Variants in TBC1D1 observed in about 807,000 individuals in gnomAD.
The protein encoded by TBC1D1 is TBC1 domain family member 1.
A neutral mutation model predicts 125.6 loss-of-function variants in TBC1D1; 89 were observed. That is an observed-to-expected ratio of 0.71 (90% confidence interval 0.60 to 0.85). The LOEUF is 0.85. Among genes scored for constraint, TBC1D1 ranks in the 40% least tolerant of loss-of-function variants. The pLI is 0.00. For synonymous variants in TBC1D1, 565 were observed against 564.1 expected (o/e 1.00, Z -0.02); for missense variants, 1,377 against 1,469.2 (o/e 0.94, Z 1.03).
At chr4:37,916,927 C>T (rs936080340) in intron 2 of TBC1D1, among the ~76,000 whole-genome samples, 2 of 151,902 alleles carry the variant, frequency 1.3e-5, no homozygotes, top group South Asian at 2.1e-4. Context: ...CATGCTACCA[C>T]GCCCAGCTAA....
intron 2 of TBC1D1, chr4:37,996,187 C>T (rs1276697943): frequency 8.6e-6 from 3 of 347,650 alleles, no homozygotes; most frequent in South Asian, 4.5e-5. Context: ...GCTCAGGCAC[C>T]CACCACAAGG....
chr4:38,074,847 T>C (rs931291322), intron 12 of TBC1D1, among the ~76,000 whole-genome samples: 3 of 151,874 alleles, frequency 2.0e-5, no homozygotes, highest in Admixed American at 6.6e-5. Context: ...CTGCAACCTC[T>C]GCCTCCGGGT....
chr4:38,041,923 C>T (rs1340488395), intron 8 of TBC1D1, among the ~76,000 whole-genome samples: 17 of 152,172 alleles, frequency 1.1e-4, no homozygotes, highest in African/African-American at 3.9e-4. Context: ...CCTGTAATCC[C>T]AGCACTTTGG....
chr4:38,051,602 C>T (rs1489049186), intron 11 of TBC1D1, among the ~76,000 whole-genome samples: 1 of 151,906 alleles, frequency 6.6e-6, no homozygotes, highest in Non-Finnish European at 1.5e-5. Context: ...CGTGCTACCG[C>T]ACTCCAGCCT....
intron 2 of TBC1D1, among the ~76,000 whole-genome samples, chr4:38,013,976 T>A (rs1334247081): frequency 6.6e-6 from 1 of 152,214 alleles, no homozygotes; most frequent in Admixed American, 6.5e-5. Flanking sequence ...GAATAAATAA[T>A]TTATGAGATA....
chr4:37,935,257 G>C (rs1217582128), intron 2 of TBC1D1, among the ~76,000 whole-genome samples: 1 of 152,148 alleles, frequency 6.6e-6, no homozygotes, highest in Non-Finnish European at 1.5e-5. Flanking sequence ...TTTGATCCTA[G>C]GTTCCTTCCT....
chr4:37,960,431 C>T (rs1729749697), intron 2 of TBC1D1: 1 of 1,607,788 alleles, frequency 6.2e-7, no homozygotes, highest in African/African-American at 1.3e-5. Context: ...GGCAATAATC[C>T]AGAATGGCTA....
At position 37,981,525 on chromosome 4, in the gene TBC1D1, A is replaced by C. The variant is rs1266895211; in HGVS notation, c.418-32984A>C. 2.0e-5 allele frequency among the ~76,000 whole-genome samples: 3 copies of C among 152,182 alleles called. No individual in the cohort carries two copies. The South Asian group carries it at 6.2e-4, about 32-fold the overall frequency. On this transcript the variant is annotated intron_variant, in intron 2 of 19. Transcript: ENST00000261439. Reference sequence around the variant, plus strand: ...AAAGCAGCAAGCAAATAGGTGAACAAGATTATTTCAGATGGTGATCAGTGC... The same window carrying C: ...AAAGCAGCAAGCAAATAGGTGAACACGATTATTTCAGATGGTGATCAGTGC...
intron 2 of TBC1D1, among the ~76,000 whole-genome samples, chr4:38,001,659 T>A (rs1444076403): frequency 6.6e-6 from 1 of 152,180 alleles, no homozygotes; most frequent in Non-Finnish European, 1.5e-5. Context: ...TAATTCCTTA[T>A]TATAAGGCAT....
chr4:37,999,112 G>C (rs961334142), intron 2 of TBC1D1, among the ~76,000 whole-genome samples: 2 of 152,116 alleles, frequency 1.3e-5, no homozygotes, highest in Admixed American at 6.5e-5. Context: ...AGTCGGGTGT[G>C]GTGGTGGGCG....
intron 12 of TBC1D1, among the ~76,000 whole-genome samples, chr4:38,082,612 C>T (rs527635634): frequency 1.3e-5 from 2 of 152,184 alleles, no homozygotes; most frequent in Non-Finnish European, 2.9e-5. Context: ...TTCTCCCATG[C>T]GTTATCTCCT....
chr4:37,898,711 C>T (rs560162589), intron 1 of TBC1D1, among the ~76,000 whole-genome samples: 3 of 152,288 alleles, frequency 2.0e-5, no homozygotes, highest in African/African-American at 7.2e-5. Flanking sequence ...AATTGTCCTT[C>T]GTCTCCAACC....
chr4:37,985,474 A>G (rs1228038113), intron 2 of TBC1D1, among the ~76,000 whole-genome samples: 1 of 152,234 alleles, frequency 6.6e-6, no homozygotes, highest in Non-Finnish European at 1.5e-5. Flanking sequence ...TAATGGGATT[A>G]GACTCACAGG....
intron 6 of TBC1D1, among the ~76,000 whole-genome samples, chr4:38,025,339 G>A (rs776189718): frequency 2.0e-5 from 3 of 152,308 alleles, no homozygotes; most frequent in South Asian, 2.1e-4. Flanking sequence ...GAGGAGATGC[G>A]TTCAGTGGGG....
chr4:37,959,401 T>A (rs1729537943), intron 2 of TBC1D1, among the ~76,000 whole-genome samples: 1 of 152,126 alleles, frequency 6.6e-6, no homozygotes, highest in African/African-American at 2.4e-5. Context: ...TAGAAATAGA[T>A]CATCATACAG....
intron 12 of TBC1D1, among the ~76,000 whole-genome samples, chr4:38,074,895 G>T (rs1274902300): frequency 1.3e-5 from 2 of 151,990 alleles, no homozygotes; most frequent in Admixed American, 6.5e-5. Flanking sequence ...CGAGTAGCTG[G>T]GATTGCAGGC....
At chr4:37,969,371 C>T (rs1731622325) in intron 2 of TBC1D1, among the ~76,000 whole-genome samples, 1 of 152,210 alleles carries the variant, frequency 6.6e-6, no homozygotes, top group Non-Finnish European at 1.5e-5. Context: ...AGACAGAGTT[C>T]CGCTCTTGTC....
chr4:38,132,892 C>A (rs1199000751), intron 18 of TBC1D1, 192 bp from the exon 21 acceptor site: 4 of 313,498 alleles, frequency 1.3e-5, no homozygotes, highest in Non-Finnish European at 2.4e-5. Flanking sequence ...TTTCTTATAT[C>A]CTTTTGTCCC....
At chr4:38,111,055 T>C (rs1487918193) in intron 15 of TBC1D1, among the ~76,000 whole-genome samples, 1 of 152,252 alleles carries the variant, frequency 6.6e-6, no homozygotes, top group Admixed American at 6.5e-5. Flanking sequence ...TGCCCACGGC[T>C]CCGGCCAACT....
Sources: gnomAD v4.1 joint callset for allele counts (sites outside exome capture counted in the v4.1 genomes callset) on GRCh38, gnomAD v4.1.1 for gene constraint, MANE v1.5 for transcripts, NCBI Gene and HGNC (gene_info 2026-07-23, HGNC 2026-07-21) for gene names.